Variants in SEMA6D observed in about 807,000 individuals in gnomAD.
The protein encoded by SEMA6D is semaphorin 6D, also known as semaphorin-6D.
Under a neutral mutation model 106.6 loss-of-function variants are expected in SEMA6D, and 35 were observed. The ratio of observed to expected loss-of-function variants is 0.33; its 90% CI spans 0.25 to 0.44. The LOEUF (loss-of-function observed/expected upper bound fraction) is 0.44, where lower values mean the gene tolerates loss of function less well. Ranked by LOEUF, SEMA6D falls within the 20% of genes least tolerant of loss-of-function variation. The pLI is 1.00. For missense variants in SEMA6D, 1,185 were observed against 1,345.9 expected (o/e 0.88, Z 1.87); for synonymous variants, 499 against 487.7 (o/e 1.02, Z -0.31).
rs867260068 is a variant in SEMA6D at position 47,277,845 on chromosome 15, G to A, written c.-239+93427G>A. Among the ~76,000 whole-genome samples the A allele has an allele frequency of 5.0e-3, 741 of 148,144 alleles. 13 individuals carry two copies. Among genetic ancestry groups the A allele is most frequent in the African/African-American group, 0.017 (695 of 40,620 alleles). On this transcript the variant is annotated intron_variant, in intron 1 of 19. Coordinates refer to the SEMA6D transcript ENST00000558014. Reference sequence around the variant, plus strand: ...TTCTCATTGTTCAATTCCCACCTATGAGTGAGAATATGAGGTGTTTGGTTT... The same window carrying A: ...TTCTCATTGTTCAATTCCCACCTATAAGTGAGAATATGAGGTGTTTGGTTT...
intron 1 of SEMA6D, among the ~76,000 whole-genome samples, chr15:47,268,461 G>C (rs1234918089): frequency 6.6e-6 from 1 of 152,148 alleles, no homozygotes; most frequent in Non-Finnish European, 1.5e-5. Context: ...CTGCAAGTGA[G>C]TGTTAGGAGG....
At chr15:47,209,450 A>G (rs1895336904) in intron 1 of SEMA6D, among the ~76,000 whole-genome samples, 1 of 152,218 alleles carries the variant, frequency 6.6e-6, no homozygotes, top group African/African-American at 2.4e-5. Context: ...CTAAACAAGT[A>G]TCAACCATCC....
At chr15:47,533,705 C>T (rs930645563) in intron 3 of SEMA6D, among the ~76,000 whole-genome samples, 3 of 152,124 alleles carry the variant, frequency 2.0e-5, no homozygotes, top group Non-Finnish European at 2.9e-5. Context: ...TTATATTCTA[C>T]TTGTGAGAGG....
chr15:47,349,470 T>A (rs780060948), intron 1 of SEMA6D, among the ~76,000 whole-genome samples: 3 of 152,252 alleles, frequency 2.0e-5, no homozygotes, highest in South Asian at 2.1e-4. Flanking sequence ...TATGCCAAGA[T>A]GTATTAGATA....
intron 1 of SEMA6D, among the ~76,000 whole-genome samples, chr15:47,255,198 C>T (rs905949117): frequency 6.6e-6 from 1 of 151,874 alleles, no homozygotes. Flanking sequence ...AGGAACTTAC[C>T]AGTTTTTTCT....
intron 3 of SEMA6D, among the ~76,000 whole-genome samples, chr15:47,503,405 G>A (rs912636025): frequency 5.9e-5 from 9 of 152,140 alleles, no homozygotes; most frequent in African/African-American, 2.2e-4. Flanking sequence ...GAGGTTATCT[G>A]TGTGGTGAAG....
chr15:47,527,804 G>C (rs777765919), intron 3 of SEMA6D: 6 of 152,030 alleles, frequency 3.9e-5, no homozygotes, highest in Non-Finnish European at 8.8e-5. Flanking sequence ...ATCCACTGTT[G>C]AAACTGCTAA....
chr15:47,484,306 G>C (rs886884529), intron 3 of SEMA6D, among the ~76,000 whole-genome samples: 1 of 152,132 alleles, frequency 6.6e-6, no homozygotes, highest in Admixed American at 6.6e-5. Context: ...AGCAGGAACA[G>C]TGCGGAGGTA....
At chr15:47,735,624 G>A (rs549378921) in intron 1 of SEMA6D, among the ~76,000 whole-genome samples, 140 of 152,304 alleles carry the variant, frequency 9.2e-4, no homozygotes, top group Non-Finnish European at 1.4e-3. Context: ...TACATCTTCA[G>A]TTCTGCTTGA....
chr15:47,214,299 G>C (rs760016747), intron 1 of SEMA6D, among the ~76,000 whole-genome samples: 2 of 152,112 alleles, frequency 1.3e-5, no homozygotes, highest in Non-Finnish European at 2.9e-5. Flanking sequence ...ACAGAGAGAA[G>C]GGAAAGGTGA....
rs281231 is a variant in SEMA6D at position 47,428,063 on chromosome 15, C to G, written c.-159+15591C>G. On this transcript the variant is annotated intron_variant, in intron 2 of 19. Coordinates refer to the SEMA6D transcript ENST00000558014. The stretch of plus-strand genomic sequence containing the variant: ...GATTTAGGTGTTTCATCATGTTATG[C>G]AAGAGATCTATGCTTAAAAAATGTA... 1.7e-3 allele frequency among the ~76,000 whole-genome samples: 263 copies of G among 152,090 alleles called. 2 individuals carry two copies. The highest frequency in any genetic ancestry group is 5.9e-3 in the African/African-American group (246 of 41,526).
chr15:47,563,216 A>T (rs74013810), intron 3 of SEMA6D, among the ~76,000 whole-genome samples: 9,137 of 152,220 alleles, frequency 0.06, 313 homozygotes, highest in South Asian at 0.095. Context: ...GGCTCAAGGA[A>T]ATTTTATTGT....
intron 4 of SEMA6D, among the ~76,000 whole-genome samples, chr15:47,656,461 C>A (rs1190312964): frequency 6.6e-6 from 1 of 152,018 alleles, no homozygotes; most frequent in Non-Finnish European, 1.5e-5. Flanking sequence ...GTTTCTGTGC[C>A]CTTCTAATAC....
chr15:47,340,675 C>T (rs1291840041), intron 1 of SEMA6D, among the ~76,000 whole-genome samples: 1 of 152,252 alleles, frequency 6.6e-6, no homozygotes, highest in Non-Finnish European at 1.5e-5. Flanking sequence ...ATCATGCCTA[C>T]GTGAGATTGG....
intron 1 of SEMA6D, among the ~76,000 whole-genome samples, chr15:47,288,621 T>C (rs1446554296): frequency 6.6e-6 from 1 of 151,852 alleles, no homozygotes; most frequent in Non-Finnish European, 1.5e-5. Flanking sequence ...GTTAAGTGAG[T>C]GAGTTAGTGA....
chr15:47,760,751 A>C (rs777855029), intron 3 of SEMA6D, among the ~76,000 whole-genome samples: 1 of 152,194 alleles, frequency 6.6e-6, no homozygotes, highest in South Asian at 2.1e-4. Flanking sequence ...ACCAAGTAGC[A>C]GTTTGACCCA....
intron 3 of SEMA6D, among the ~76,000 whole-genome samples, chr15:47,502,137 A>G (rs911600500): frequency 1.3e-5 from 2 of 152,200 alleles, no homozygotes; most frequent in African/African-American, 4.8e-5. Context: ...GAGCCTAGCA[A>G]ATCTGTGCCG....
At chr15:47,318,886 A>G (rs536899497) in intron 1 of SEMA6D, among the ~76,000 whole-genome samples, 1 of 151,544 alleles carries the variant, frequency 6.6e-6, no homozygotes, top group East Asian at 1.9e-4. Context: ...TCCCACCAAC[A>G]GTGTAAAAGT....
chr15:47,457,703 CA>C (rs940240238), intron 2 of SEMA6D, among the ~76,000 whole-genome samples: 16 of 151,826 alleles, frequency 1.1e-4, no homozygotes, highest in African/African-American at 3.9e-4. Flanking sequence ...TTAGAGTACT[CA>C]AAAGGTAAGA....
Sources: gnomAD v4.1 joint callset for allele counts (sites outside exome capture counted in the v4.1 genomes callset) on GRCh38, gnomAD v4.1.1 for gene constraint, MANE v1.5 for transcripts, NCBI Gene and HGNC (gene_info 2026-07-23, HGNC 2026-07-21) for gene names.